Variants in CTNNA2 observed in about 807,000 individuals in gnomAD.
CTNNA2 encodes the protein catenin alpha 2.
CTNNA2 carries 42 observed loss-of-function variants against 101.0 expected under a neutral mutation model. The observed-to-expected ratio is 0.42, with a 90% confidence interval of 0.32 to 0.54. CTNNA2 has a LOEUF of 0.54. Among genes scored for constraint, CTNNA2 ranks in the 20% least tolerant of loss-of-function variants. CTNNA2 has a pLI of 0.14. For missense variants in CTNNA2, 871 were observed against 1,223.1 expected (o/e 0.71, Z 4.29); for synonymous variants, 450 against 456.4 (o/e 0.99, Z 0.18).
intron 3 of CTNNA2, among the ~76,000 whole-genome samples, chr2:79,364,566 C>A (rs1326699048): frequency 1.3e-5 from 2 of 152,174 alleles, no homozygotes; most frequent in Admixed American, 6.5e-5. Flanking sequence ...ACAAAACCAG[C>A]ATCTTGATGG....
At chr2:79,738,482 G>A (rs1671057218) in intron 2 of CTNNA2, among the ~76,000 whole-genome samples, 1 of 152,192 alleles carries the variant, frequency 6.6e-6, no homozygotes, top group Admixed American at 6.6e-5. Flanking sequence ...AGTTAAAGGG[G>A]TGATGGTAGT....
intron 9 of CTNNA2, among the ~76,000 whole-genome samples, chr2:80,439,841 A>T (rs1682399176): frequency 6.6e-6 from 1 of 152,234 alleles, no homozygotes; most frequent in African/African-American, 2.4e-5. Context: ...ATGTGACATT[A>T]GCAGTTGGTA....
intron 1 of CTNNA2, among the ~76,000 whole-genome samples, chr2:79,521,131 T>A (rs1672087812): frequency 6.0e-5 from 1 of 16,662 alleles, no homozygotes; most frequent in African/African-American, 2.3e-4. Context: ...TATATATATA[T>A]ATATATATAT....
chr2:79,977,222 G>GCACACACA (rs72018840), intron 7 of CTNNA2, among the ~76,000 whole-genome samples: 33,745 of 144,558 alleles, frequency 0.23, 3,932 homozygotes, highest in Middle Eastern at 0.26. Context: ...GCATATGCAT[G>GCACACACA]CACACACACA....
chr2:79,640,178 G>A (rs969919682), intron 1 of CTNNA2, among the ~76,000 whole-genome samples: 4 of 152,068 alleles, frequency 2.6e-5, no homozygotes, highest in African/African-American at 4.8e-5. Context: ...ACTTAAAGTC[G>A]TTCTAAATAC....
At chr2:79,791,654 G>A (rs1298348816) in intron 3 of CTNNA2, among the ~76,000 whole-genome samples, 1 of 152,162 alleles carries the variant, frequency 6.6e-6, no homozygotes, top group East Asian at 1.9e-4. Context: ...TTTGAGCTTA[G>A]AGGAAGTAGA....
intron 7 of CTNNA2, among the ~76,000 whole-genome samples, chr2:80,349,753 C>T (rs67521231): frequency 0.096 from 14,573 of 152,082 alleles, 1,630 homozygotes; most frequent in African/African-American, 0.27. Context: ...TTGTTGGGCT[C>T]AAGCTATCAT....
At chr2:79,394,736 A>G (rs1678211372) in intron 4 of CTNNA2, among the ~76,000 whole-genome samples, 1 of 152,168 alleles carries the variant, frequency 6.6e-6, no homozygotes, top group Non-Finnish European at 1.5e-5. Flanking sequence ...CCTGAATTAC[A>G]TAGTTCATCA....
chr2:79,696,131 A>G (rs1249589212), intron 2 of CTNNA2, among the ~76,000 whole-genome samples: 5 of 151,994 alleles, frequency 3.3e-5, no homozygotes, highest in Non-Finnish European at 1.5e-5. Flanking sequence ...AACAAACAAT[A>G]TAAAAGCCAA....
chr2:80,574,627 C>T (rs530137320), intron 13 of CTNNA2, among the ~76,000 whole-genome samples: 26 of 152,274 alleles, frequency 1.7e-4, no homozygotes, highest in Admixed American at 1.2e-3. Context: ...ACACTCTTCC[C>T]ATCAGGATCT....
intron 13 of CTNNA2, among the ~76,000 whole-genome samples, chr2:80,580,971 C>G (rs1021910745): frequency 3.3e-5 from 5 of 152,038 alleles, no homozygotes; most frequent in African/African-American, 1.2e-4. Flanking sequence ...AGCCAAGATC[C>G]CACTGCTGCA....
In CTNNA2 at chr2:79,785,360, A is replaced by G. The variant is rs1511178; in HGVS notation, c.298+40778A>G. On this transcript the variant is annotated intron_variant, in intron 3 of 18. Coordinates refer to ENST00000402739, the MANE Select transcript of CTNNA2 (RefSeq NM_001282597.3). Reference sequence around the variant, plus strand: ...ACCACAGAGTTCATTGATGCCAACCATCTTTCATCCTCGGGACATTTCTGC... The same window carrying G: ...ACCACAGAGTTCATTGATGCCAACCGTCTTTCATCCTCGGGACATTTCTGC... Among the ~76,000 whole-genome samples the G allele has an allele frequency of 0.014, 2,090 of 152,210 alleles. 125 individuals are homozygous for G. The East Asian group carries it at 0.17, about 12-fold the overall frequency.
chr2:80,364,783 T>C (rs1222685965), intron 7 of CTNNA2, among the ~76,000 whole-genome samples: 1 of 152,144 alleles, frequency 6.6e-6, no homozygotes, highest in Non-Finnish European at 1.5e-5. Flanking sequence ...CCTTTTATAA[T>C]CACCTCTGTG....
intron 2 of CTNNA2, among the ~76,000 whole-genome samples, chr2:79,291,520 T>C (rs771783860): frequency 6.6e-6 from 1 of 152,220 alleles, no homozygotes; most frequent in Non-Finnish European, 1.5e-5. Context: ...TCCCCTGTTC[T>C]TCCTTTCTTT....
At position 80,043,055 on chromosome 2, in the gene CTNNA2, C is replaced by A. The variant is rs1202417617; in HGVS notation, c.1056+133258C>A. On this transcript the variant is annotated intron_variant, in intron 7 of 18. Coordinates refer to ENST00000402739, the MANE Select transcript of CTNNA2 (RefSeq NM_001282597.3). ...TCTTTCTTTCCTTCTTTCTTTCTTT[C>A]TTTCTTTCTTTCTTTCTTTCTTTCT... is the stretch of plus-strand genomic sequence containing the variant. 8.2e-4 allele frequency among the ~76,000 whole-genome samples: 27 copies of A among 32,852 alleles called. 3 individuals carry two copies. Among genetic ancestry groups the A allele is most frequent in the Admixed American group, 7.0e-3 (24 of 3,436 alleles). The allele number at this position is 32,852 out of a possible 152,430, so 21.6% of individuals were successfully genotyped here.
At chr2:79,895,358 C>T (rs1274558488) in intron 6 of CTNNA2, among the ~76,000 whole-genome samples, 2 of 152,014 alleles carry the variant, frequency 1.3e-5, no homozygotes, top group Non-Finnish European at 1.5e-5. Context: ...CCTTGCGGCC[C>T]GTGAACACAT....
chr2:80,383,148 G>A (rs1490590752), intron 7 of CTNNA2, among the ~76,000 whole-genome samples: 2 of 152,134 alleles, frequency 1.3e-5, no homozygotes, highest in African/African-American at 2.4e-5. Context: ...GGGTTGCCTG[G>A]CAAGTAATCA....
intron 9 of CTNNA2, among the ~76,000 whole-genome samples, chr2:80,444,687 G>A (rs190427099): frequency 2.3e-4 from 35 of 152,276 alleles, no homozygotes; most frequent in Admixed American, 1.4e-3. Context: ...TGTGATTAGC[G>A]TCCTTATAGG....
At chr2:79,469,641 G>A (rs576888755) in intron 4 of CTNNA2, among the ~76,000 whole-genome samples, 1 of 152,256 alleles carries the variant, frequency 6.6e-6, no homozygotes, top group East Asian at 1.9e-4. Flanking sequence ...TAAAATACTG[G>A]CAAACCGAAT....
Sources: gnomAD v4.1 joint callset for allele counts (sites outside exome capture counted in the v4.1 genomes callset) on GRCh38, gnomAD v4.1.1 for gene constraint, MANE v1.5 for transcripts, NCBI Gene and HGNC (gene_info 2026-07-23, HGNC 2026-07-21) for gene names.